Variants in TSPAN15 observed in about 807,000 individuals in gnomAD.
TSPAN15 encodes tetraspanin 15.
TSPAN15 carries 20 observed loss-of-function variants against 34.5 expected under a neutral mutation model. That is an observed-to-expected ratio of 0.58 (90% CI 0.41 to 0.84). TSPAN15 has a LOEUF of 0.84. Among genes scored for constraint, TSPAN15 ranks in the 40% least tolerant of loss-of-function variants. The pLI, the probability that TSPAN15 is intolerant of heterozygous loss-of-function variation, is 0.00. For missense variants in TSPAN15, 313 were observed against 386.1 expected (o/e 0.81, Z 1.59); for synonymous variants, 155 against 153.9 (o/e 1.01, Z -0.05).
At chr10:69,519,422 A>G in the TSPAN15 span, among the ~76,000 whole-genome samples, 3 of 152,146 alleles carry the variant, frequency 2.0e-5, no homozygotes, top group African/African-American at 7.2e-5. Context: ...CCCTGTCTCA[A>G]AAAAAATAAT....
chr10:69,490,925 C>T (rs1288320774), intron 3 of TSPAN15, among the ~76,000 whole-genome samples: 4 of 152,250 alleles, frequency 2.6e-5, no homozygotes, highest in African/African-American at 4.8e-5. Flanking sequence ...GGAGGGCCGG[C>T]TGTGTATCCT....
chr10:69,474,312 G>A (rs1739980853), intron 1 of TSPAN15, among the ~76,000 whole-genome samples: 1 of 152,148 alleles, frequency 6.6e-6, no homozygotes, highest in Non-Finnish European at 1.5e-5. Flanking sequence ...CTCACTTTGG[G>A]CCCCATGAGG....
At chr10:69,482,828 G>T (rs1038321925) in intron 1 of TSPAN15, among the ~76,000 whole-genome samples, 1 of 152,128 alleles carries the variant, frequency 6.6e-6, no homozygotes, top group Non-Finnish European at 1.5e-5. Context: ...CTCTAAAGTG[G>T]CATCTCCAGA....
chr10:69,537,537 G>A, the TSPAN15 span, among the ~76,000 whole-genome samples: 2 of 152,132 alleles, frequency 1.3e-5, no homozygotes, highest in African/African-American at 2.4e-5. Flanking sequence ...CTGGCTTCTG[G>A]TAGTTACTTG....
chr10:69,472,186 C>A (rs1182569072), intron 1 of TSPAN15, among the ~76,000 whole-genome samples: 3 of 152,154 alleles, frequency 2.0e-5, no homozygotes, highest in African/African-American at 7.2e-5. Flanking sequence ...CTGTTCGCCT[C>A]CCCTTCCCTC....
chr10:69,464,785 T>C (rs2133074756), intron 1 of TSPAN15, among the ~76,000 whole-genome samples: 1 of 152,294 alleles, frequency 6.6e-6, no homozygotes, highest in East Asian at 1.9e-4. Context: ...CCACCCAGCA[T>C]GTGCCCCTGG....
chr10:69,542,969 A>G, the TSPAN15 span, among the ~76,000 whole-genome samples: 1 of 152,168 alleles, frequency 6.6e-6, no homozygotes, highest in Non-Finnish European at 1.5e-5. Context: ...ACCTCTCTGG[A>G]CCAAAGTTTC....
downstream of TSPAN15, among the ~76,000 whole-genome samples, chr10:69,509,124 C>G (rs1182852077): frequency 1.3e-5 from 2 of 152,176 alleles, no homozygotes; most frequent in African/African-American, 4.8e-5. Context: ...TGGCAGAGGC[C>G]CCGTAGGAGA....
At chr10:69,504,522 C>G in intron 6 of TSPAN15, 37 bp downstream of exon 6, 1 of 1,611,290 alleles carries the variant, frequency 6.2e-7, no homozygotes, top group Non-Finnish European at 8.5e-7. Context: ...GGAAATGTTG[C>G]TCTTCCTGGT....
At chr10:69,527,386 A>T in the TSPAN15 span, among the ~76,000 whole-genome samples, 6 of 147,602 alleles carry the variant, frequency 4.1e-5, 1 homozygote, top group Non-Finnish European at 9.0e-5. Context: ...ACCTGAGATC[A>T]GGAGTTCAAG....
intron 1 of TSPAN15, among the ~76,000 whole-genome samples, chr10:69,460,660 C>G (rs1213736682): frequency 6.6e-6 from 1 of 152,114 alleles, no homozygotes; most frequent in Non-Finnish European, 1.5e-5. Flanking sequence ...CCACATTTTG[C>G]TTCATCTCTT....
intron 1 of TSPAN15, among the ~76,000 whole-genome samples, chr10:69,469,645 A>T (rs1419996432): frequency 2.6e-5 from 4 of 152,184 alleles, no homozygotes. Context: ...TTTTGCCATT[A>T]CTTTTAATAA....
At chr10:69,501,970 AC>A (rs1371099853) in intron 5 of TSPAN15, among the ~76,000 whole-genome samples, 2 of 150,074 alleles carry the variant, frequency 1.3e-5, no homozygotes, top group Non-Finnish European at 3.0e-5. Context: ...CGACACCATC[AC>A]CCCCCACCCC....
At chr10:69,478,438 T>C (rs1037780660) in intron 1 of TSPAN15, among the ~76,000 whole-genome samples, 3 of 152,186 alleles carry the variant, frequency 2.0e-5, no homozygotes, top group Non-Finnish European at 4.4e-5. Flanking sequence ...GAGACGGTTG[T>C]GGAATGAAGT....
rs1271146802 is a variant in TSPAN15 at position 69,504,491 on chromosome 10, G to A, written c.618+6G>A. On this transcript the variant is annotated splice_donor_region_variant and intron_variant, in intron 6 of 7. Coordinates refer to ENST00000373290, the MANE Select transcript of TSPAN15 (RefSeq NM_012339.5). ...ACAAAACTATCGACAAGGAGGTAATGTCTTTGAAATGCCTTTCCCTGGAAA... is the reference window on the plus strand; with the variant it reads ...ACAAAACTATCGACAAGGAGGTAATATCTTTGAAATGCCTTTCCCTGGAAA... The A allele has an allele frequency of 5.6e-6, 9 of 1,613,882 alleles. No homozygotes were observed. The highest frequency in any genetic ancestry group is 4.5e-5 in the East Asian group (2 of 44,898).
chr10:69,452,765 T>G (rs1434925264), intron 1 of TSPAN15, among the ~76,000 whole-genome samples: 2 of 152,208 alleles, frequency 1.3e-5, no homozygotes, highest in Non-Finnish European at 2.9e-5. Context: ...AGAATCGCTC[T>G]CTGCCTGCAG....
the TSPAN15 span, among the ~76,000 whole-genome samples, chr10:69,523,900 A>G: frequency 6.8e-6 from 1 of 147,594 alleles, no homozygotes; most frequent in Non-Finnish European, 1.5e-5. Context: ...TCCTTTTTCT[A>G]TACTTTTAGA....
At chr10:69,539,524 AAGAAGAAGAAGAAGG>A in the TSPAN15 span, among the ~76,000 whole-genome samples, 4 of 115,500 alleles carry the variant, frequency 3.5e-5, no homozygotes, top group Non-Finnish European at 5.6e-5. Context: ...GAAGAAGAAG[AAGAAGAAGAAGAAGG>A]AGAAGGAGAA....
chr10:69,518,588 T>C, the TSPAN15 span, among the ~76,000 whole-genome samples: 2 of 152,188 alleles, frequency 1.3e-5, no homozygotes, highest in African/African-American at 4.8e-5. Flanking sequence ...CATGCCCAGA[T>C]AATTTTTGTA....
Sources: allele counts gnomAD v4.1 joint callset (sites outside exome capture counted in the v4.1 genomes callset), GRCh38; gene constraint gnomAD v4.1.1; transcripts MANE v1.5; gene names NCBI Gene and HGNC (gene_info 2026-07-23, HGNC 2026-07-21).